The following USP26 variants were observed in gnomAD, a reference collection of about 807,000 sequenced individuals.
The protein encoded by USP26 is ubiquitin specific peptidase 26, also known as ubiquitin carboxyl-terminal hydrolase 26.
For synonymous variants in USP26, 236 were observed against 240.6 expected (o/e 0.98, Z 0.18); for missense variants, 649 against 642.3 (o/e 1.01, Z -0.11).
intron 5 of USP26, among the ~76,000 whole-genome samples, chrX:133,037,528 G>T (rs2067400216): frequency 8.9e-6 from 1 of 111,742 alleles, no homozygotes; most frequent in African/African-American, 3.3e-5. Context: ...TGTTCCACTG[G>T]TCTATATATC....
intron 5 of USP26, among the ~76,000 whole-genome samples, chrX:133,050,176 T>A (rs1245651134): frequency 8.9e-6 from 1 of 112,016 alleles, no homozygotes; most frequent in East Asian, 2.8e-4. Context: ...TTGCATAGAA[T>A]CTAGGTGATA....
At position 133,062,705 on chromosome X, in the gene USP26, A is replaced by T. The variant is rs190823973; in HGVS notation, c.-77+21002T>A. Among the ~76,000 whole-genome samples, 26 of 110,864 alleles carry T rather than the reference A, an allele frequency of 2.3e-4. No homozygotes were observed. In the East Asian group the frequency reaches 7.1e-3, roughly 30 times the overall value. Reference sequence around the variant, plus strand: ...AAAAACTAACAAAGAGAAAGCAATAACATCCACATCAACAAAAAGGACCCC... The same window carrying T: ...AAAAACTAACAAAGAGAAAGCAATATCATCCACATCAACAAAAAGGACCCC... On this transcript the variant is annotated intron_variant, in intron 5 of 5. Coordinates refer to ENST00000511190, the MANE Select transcript of USP26 (RefSeq NM_031907.3).
intron 1 of USP26, among the ~76,000 whole-genome samples, chrX:133,093,602 G>A (rs2067615481): frequency 9.5e-6 from 1 of 105,334 alleles, no homozygotes; most frequent in Non-Finnish European, 2.0e-5. Context: ...CTGCACTCTA[G>A]CCTAGGCGAC....
At position 133,027,451 on chromosome X, in the gene USP26, G is replaced by T. The variant is rs748612184; in HGVS notation, c.770C>A (p.Ala257Asp). The T allele has an allele frequency of 8.3e-7, 1 of 1,210,341 alleles. No individual in the cohort carries two copies. The highest frequency in any genetic ancestry group is 1.8e-5 in the South Asian group (1 of 56,939). The change falls in exon 6 of 6, where the codon GCT (alanine) becomes GAT (aspartate). Residue 257 changes from alanine (A) to aspartate (D), a missense_variant. Ala to Asp is a moderately radical substitution (Grantham distance 126). Coordinates refer to ENST00000511190, the MANE Select transcript of USP26 (RefSeq NM_031907.3). ...PYLDDIGLLQ[A>D]LTEKMVLVFL... Reference sequence around the variant, plus strand: ...TACCAAAACCATTTTCTCAGTGAGAGCTTGGAGAAGACCAATGTCATCTAG... The same window carrying T: ...TACCAAAACCATTTTCTCAGTGAGATCTTGGAGAAGACCAATGTCATCTAG...
chrX:133,078,906 T>G (rs954746449), intron 5 of USP26, among the ~76,000 whole-genome samples: 1 of 112,003 alleles, frequency 8.9e-6, no homozygotes, highest in Non-Finnish European at 1.9e-5. Flanking sequence ...TCAACATAAC[T>G]TTACTAGTCC....
At chrX:133,047,676 G>T (rs2067445357) in intron 5 of USP26, among the ~76,000 whole-genome samples, 1 of 111,453 alleles carries the variant, frequency 9.0e-6, no homozygotes, top group Admixed American at 9.5e-5. Context: ...GTGTGGTTTG[G>T]GGGAGGTGAT....
At chrX:133,061,232 A>G (rs1402784926) in intron 5 of USP26, among the ~76,000 whole-genome samples, 1 of 112,495 alleles carries the variant, frequency 8.9e-6, no homozygotes, top group African/African-American at 3.2e-5. Flanking sequence ...TGATTTCTCA[A>G]GTCCTAAGAT....
At chrX:133,094,828 C>T (rs1201773537) in intron 1 of USP26, among the ~76,000 whole-genome samples, 1 of 111,766 alleles carries the variant, frequency 8.9e-6, no homozygotes, top group Non-Finnish European at 1.9e-5. Context: ...GGCACAGTGG[C>T]TCACGCCTGT....
chrX:133,091,646 A>T (rs1343297914), intron 1 of USP26, among the ~76,000 whole-genome samples: 1 of 111,526 alleles, frequency 9.0e-6, no homozygotes, highest in African/African-American at 3.3e-5. Context: ...CAGAGTCAGT[A>T]TCATGGAGTC....
chrX:133,061,160 C>G (rs774024046), intron 5 of USP26, among the ~76,000 whole-genome samples: 4 of 111,387 alleles, frequency 3.6e-5, no homozygotes, highest in Non-Finnish European at 7.5e-5. Context: ...TACCTTGACA[C>G]ATGTTAAAAA....
intron 5 of USP26, among the ~76,000 whole-genome samples, chrX:133,076,219 C>T (rs2067547888): frequency 9.0e-6 from 1 of 111,445 alleles, no homozygotes; most frequent in African/African-American, 3.3e-5. Flanking sequence ...TGCTATGGAG[C>T]TTTAAACTAC....
chrX:133,075,280 T>G (rs749253118), intron 5 of USP26, among the ~76,000 whole-genome samples: 1 of 112,362 alleles, frequency 8.9e-6, no homozygotes, highest in African/African-American at 3.2e-5. Flanking sequence ...TGAATTTAAG[T>G]TACTTTTGCC....
chrX:133,031,368 C>A (rs951902871), intron 5 of USP26, among the ~76,000 whole-genome samples: 2 of 112,069 alleles, frequency 1.8e-5, no homozygotes, highest in Non-Finnish European at 3.8e-5. Context: ...GCTTAGTGAT[C>A]TTGGATAAGC....
chrX:133,058,858 G>T (rs2067485847), intron 5 of USP26, among the ~76,000 whole-genome samples: 1 of 111,103 alleles, frequency 9.0e-6, no homozygotes, highest in African/African-American at 3.3e-5. Context: ...GCCCAGGCTA[G>T]AGTGCAGTGG....
intron 5 of USP26, among the ~76,000 whole-genome samples, chrX:133,044,578 C>T (rs769332070): frequency 7.1e-5 from 8 of 113,147 alleles, no homozygotes; most frequent in Admixed American, 1.8e-4. Context: ...ACTGGCGGTG[C>T]GCTCGATTTT....
intron 5 of USP26, among the ~76,000 whole-genome samples, chrX:133,060,335 A>G (rs1371944963): frequency 1.8e-5 from 2 of 111,916 alleles, no homozygotes; most frequent in East Asian, 5.6e-4. Context: ...TTAGACAAAA[A>G]TAAAAAGAAA....
At chrX:133,073,491 T>C (rs1175287163) in intron 5 of USP26, among the ~76,000 whole-genome samples, 1 of 111,232 alleles carries the variant, frequency 9.0e-6, no homozygotes, top group Non-Finnish European at 1.9e-5. Flanking sequence ...TGAATGCTGA[T>C]ATAAAGCCTT....
chrX:133,059,207 C>A (rs1287791768), intron 5 of USP26, among the ~76,000 whole-genome samples: 2 of 111,242 alleles, frequency 1.8e-5, no homozygotes, highest in African/African-American at 6.5e-5. Context: ...ATTAATAATA[C>A]TTTTACCAAA....
chrX:133,026,449 G>A lies in USP26; in HGVS notation c.1772C>T (p.Thr591Ile), dbSNP rs752927265. ...AGCCAGGATATCTTTGGATTCCTTT[G>A]TTGCAGGCCATGATACACTGATGTT... is the stretch of plus-strand genomic sequence containing the variant. ...SGNISVSWPA[T>I]KESKDILAPH... Residue 591 changes from threonine to isoleucine, a missense_variant, in exon 6 of 6, where the codon ACA becomes ATA. Thr to Ile is a moderately conservative substitution (Grantham distance 89, BLOSUM62 -1). Transcript: ENST00000511190. 2.5e-6 allele frequency: 3 copies of A among 1,208,240 alleles called. No individual in the cohort carries two copies. Among genetic ancestry groups the A allele is most frequent in the South Asian group, 3.5e-5 (2 of 56,736 alleles).
Sources: gnomAD v4.1 joint callset for allele counts (sites outside exome capture counted in the v4.1 genomes callset) on GRCh38, gnomAD v4.1.1 for gene constraint, MANE v1.5 for transcripts, NCBI Gene and HGNC (gene_info 2026-07-23, HGNC 2026-07-21) for gene names.